The following TMPRSS15 variants were observed in gnomAD, a reference collection of about 807,000 sequenced individuals.
TMPRSS15 encodes the protein enteropeptidase.
TMPRSS15 carries 128 observed loss-of-function variants against 125.3 expected under a neutral mutation model. The ratio of observed to expected loss-of-function variants is 1.02; its 90% CI spans 0.89 to 1.18. TMPRSS15 has a LOEUF of 1.18. TMPRSS15 is among the 50% of genes most tolerant of loss of function. TMPRSS15 has a pLI of 0.00. For synonymous variants in TMPRSS15, 446 were observed against 423.2 expected (o/e 1.05, Z -0.66); for missense variants, 1,283 against 1,212.7 (o/e 1.06, Z -0.86).
At chr21:18,413,136 T>G (rs2123173735) in intron 1 of TMPRSS15, among the ~76,000 whole-genome samples, 1 of 152,248 alleles carries the variant, frequency 6.6e-6, no homozygotes, top group South Asian at 2.1e-4. Flanking sequence ...AATAAAATTG[T>G]AACTATGAGT....
At chr21:18,388,260 T>C (rs1303631729) in intron 3 of TMPRSS15, among the ~76,000 whole-genome samples, 1 of 152,158 alleles carries the variant, frequency 6.6e-6, no homozygotes, top group Non-Finnish European at 1.5e-5. Context: ...TGTCAAGGTC[T>C]GGGCACGGTA....
chr21:18,481,319 T>C (rs1453223666), intron 1 of TMPRSS15, among the ~76,000 whole-genome samples: 1 of 151,806 alleles, frequency 6.6e-6, no homozygotes, highest in African/African-American at 2.4e-5. Flanking sequence ...CAGGATAAAA[T>C]AGAATAACGT....
chr21:18,458,502 G>A (rs150565313), intron 1 of TMPRSS15, among the ~76,000 whole-genome samples: 183 of 152,250 alleles, frequency 1.2e-3, no homozygotes, highest in African/African-American at 4.2e-3. Flanking sequence ...TTTAATCAAA[G>A]GCAGAAGTAG....
At chr21:18,340,296 G>C (rs1345032852) in intron 13 of TMPRSS15, among the ~76,000 whole-genome samples, 1 of 152,118 alleles carries the variant, frequency 6.6e-6, no homozygotes, top group Non-Finnish European at 1.5e-5. Flanking sequence ...CCCCATGCTG[G>C]ATGCTTCCTG....
intron 1 of TMPRSS15, among the ~76,000 whole-genome samples, chr21:18,464,394 C>CA (rs2122954579): frequency 1.2e-3 from 180 of 151,428 alleles, no homozygotes; most frequent in African/African-American, 4.0e-3. Context: ...TAGCAGAAGA[C>CA]AAAAAATAAC....
At chr21:18,410,153 G>T in intron 1 of TMPRSS15, among the ~76,000 whole-genome samples, 1 of 148,578 alleles carries the variant, frequency 6.7e-6, no homozygotes. Flanking sequence ...GTTAGAGAAA[G>T]GTTTTGAGGC....
intron 3 of TMPRSS15, among the ~76,000 whole-genome samples, chr21:18,396,791 A>T (rs1220571635): frequency 4.0e-4 from 23 of 57,900 alleles, no homozygotes; most frequent in African/African-American, 1.2e-3. Flanking sequence ...AAAAAAAAAA[A>T]ATCTGTCTGT....
chr21:18,396,731 G>A (rs1362428223), intron 3 of TMPRSS15, among the ~76,000 whole-genome samples: 2 of 146,116 alleles, frequency 1.4e-5, no homozygotes, highest in African/African-American at 2.5e-5. Flanking sequence ...CTGAGATCAC[G>A]CCAGTGCACT....
upstream of TMPRSS15, among the ~76,000 whole-genome samples, chr21:18,406,018 C>T (rs959886842): frequency 6.6e-6 from 1 of 151,838 alleles, no homozygotes; most frequent in Non-Finnish European, 1.5e-5. Flanking sequence ...TTTCATTCAG[C>T]TATGACAGAA....
At chr21:18,372,462 C>A in intron 5 of TMPRSS15, 138 bp from the exon 6 acceptor site, 1 of 793,594 alleles carries the variant, frequency 1.3e-6, no homozygotes, top group South Asian at 1.7e-5. Flanking sequence ...ATTTCATTTG[C>A]AAATCAATCA....
At chr21:18,460,704 A>G (rs2122951863) in intron 1 of TMPRSS15, 3 of 152,298 alleles carry the variant, frequency 2.0e-5, no homozygotes, top group African/African-American at 7.2e-5. Flanking sequence ...TGTGAGATCT[A>G]TCTATTGTTC....
intron 3 of TMPRSS15, among the ~76,000 whole-genome samples, chr21:18,385,978 C>G (rs2075940583): frequency 1.3e-5 from 2 of 152,248 alleles, no homozygotes; most frequent in Middle Eastern, 6.8e-3. Context: ...CTCCTGACCT[C>G]ATGATCCTCC....
At chr21:18,412,652 T>C (rs757165391) in intron 1 of TMPRSS15, among the ~76,000 whole-genome samples, 4 of 152,198 alleles carry the variant, frequency 2.6e-5, no homozygotes, top group Non-Finnish European at 4.4e-5. Context: ...TGGCCAGGTA[T>C]GTAGTGTGAT....
In TMPRSS15 at chr21:18,389,606, A is replaced by T. The variant is rs745556519; in HGVS notation, c.345-5828T>A. 2.6e-3 allele frequency among the ~76,000 whole-genome samples: 396 copies of T among 152,274 alleles called. 3 individuals are homozygous for T. The highest frequency in any genetic ancestry group is 4.4e-3 in the Non-Finnish European group (299 of 67,988). On this transcript the variant is annotated intron_variant, in intron 3 of 24. Coordinates refer to ENST00000284885, the MANE Select transcript of TMPRSS15 (RefSeq NM_002772.3). The stretch of plus-strand genomic sequence containing the variant: ...CAAAGAAAAATTCTGCGATTTTCAT[A>T]GCCTACCAGGCCTATATATAAAAGT...
At chr21:18,374,435 TGCAGTCC>T (rs1211599105) in intron 5 of TMPRSS15, among the ~76,000 whole-genome samples, 3 of 127,204 alleles carry the variant, frequency 2.4e-5, no homozygotes, top group Non-Finnish European at 4.7e-5. Flanking sequence ...ATTGCGCCAC[TGCAGTCC>T]GCAGTCCGGC....
rs57033426 is a variant in TMPRSS15 at position 18,463,246 on chromosome 21, C to CAAAAAAAAAAAAAAAAAAAAA, written c.10+22532_10+22552dup. Among the ~76,000 whole-genome samples, 4 of 11,518 alleles carry CAAAAAAAAAAAAAAAAAAAAA rather than the reference C, an allele frequency of 3.5e-4. 1 individual carries two copies. The highest frequency in any genetic ancestry group is 4.8e-4 in the African/African-American group (2 of 4,174). 7.6% of individuals were successfully genotyped at this position (11,518 alleles called of 152,430 possible). A position where few individuals can be genotyped will look rare whatever the true frequency, so the allele number is the denominator to read the frequency against. ...GAATATTTACCAAGCAAATGGAAAG[C>CAAAAAAAAAAAAAAAAAAAAA]AAAAAAAAAAAAAAAAAAAAAAAAA... On this transcript the variant is annotated intron_variant, in intron 1 of 7. Coordinates refer to the TMPRSS15 transcript ENST00000422787.
chr21:18,438,657 A>ATAAC (rs1356151541), intron 1 of TMPRSS15, among the ~76,000 whole-genome samples: 10 of 152,210 alleles, frequency 6.6e-5, no homozygotes, highest in Non-Finnish European at 1.3e-4. Context: ...CACAGTAAGA[A>ATAAC]TAACTGCCAG....
chr21:18,282,258 G>C (rs140905108), intron 21 of TMPRSS15, among the ~76,000 whole-genome samples: 62 of 152,180 alleles, frequency 4.1e-4, no homozygotes, highest in East Asian at 2.9e-3. Flanking sequence ...AAATTGGGTA[G>C]TATATTATAA....
intron 13 of TMPRSS15, among the ~76,000 whole-genome samples, chr21:18,332,396 A>T (rs1409869274): frequency 1.3e-5 from 2 of 151,994 alleles, no homozygotes; most frequent in African/African-American, 4.8e-5. Context: ...TTTTCATGTG[A>T]TTGTTGGCCG....
Sources: gnomAD v4.1 joint callset for allele counts (sites outside exome capture counted in the v4.1 genomes callset) on GRCh38, gnomAD v4.1.1 for gene constraint, MANE v1.5 for transcripts, NCBI Gene and HGNC (gene_info 2026-07-23, HGNC 2026-07-21) for gene names.